Variants in FBXL14 observed in about 807,000 individuals in gnomAD.
FBXL14 encodes the protein F-box/LRR-repeat protein 14.
FBXL14 carries 11 observed loss-of-function variants against 24.5 expected under a neutral mutation model. The ratio of observed to expected loss-of-function variants is 0.45; its 90% CI spans 0.28 to 0.74. The LOEUF is 0.74. Ranked by LOEUF, FBXL14 falls within the 30% of genes least tolerant of loss-of-function variation. The probability of loss-of-function intolerance (pLI) is 0.12; values close to 1 mark genes in which losing one functional copy is unlikely to be tolerated. For missense variants in FBXL14, 384 were observed against 545.6 expected (o/e 0.70, Z 2.95); for synonymous variants, 294 against 240.4 (o/e 1.22, Z -2.06).
In FBXL14 at chr12:1,585,362, T is replaced by G. The variant is rs181539473; in HGVS notation, c.1194+7511A>C. ...GCAGTGAGCCAAGATTGTGCCACTG[T>G]ACTCCAGCCTGGGCGACAGAGCGAG... On this transcript the variant is annotated intron_variant, in intron 1 of 1. Transcript: ENST00000339235. 2.0e-5 allele frequency among the ~76,000 whole-genome samples: 3 copies of G among 149,992 alleles called. No homozygotes were observed. In the East Asian group the frequency reaches 5.9e-4, roughly 29 times the overall value.
At chr12:1,591,809 G>C (rs543477338) in intron 1 of FBXL14, among the ~76,000 whole-genome samples, 1 of 152,222 alleles carries the variant, frequency 6.6e-6, no homozygotes, top group East Asian at 1.9e-4. Flanking sequence ...TGACCTTTTT[G>C]GGGGGAAACT....
At chr12:1,575,023 C>T (rs751590945) in intron 1 of FBXL14, among the ~76,000 whole-genome samples, 16 of 152,118 alleles carry the variant, frequency 1.1e-4, no homozygotes, top group Non-Finnish European at 1.9e-4. Flanking sequence ...AACACATCAT[C>T]TAAGTACAAC....
rs182214628 is a variant in FBXL14 at position 1,575,560 on chromosome 12, C to T, written c.1195-8750G>A. Among the ~76,000 whole-genome samples the T allele has an allele frequency of 4.9e-3, 750 of 152,336 alleles. 3 individuals are homozygous for T. The highest frequency in any genetic ancestry group is 0.016 in the African/African-American group (668 of 41,572). On this transcript the variant is annotated intron_variant, in intron 1 of 1. Transcript: ENST00000339235. ...ACCCTGTGCTCACAGCTCTACTCCCCCTCGGAATCTCCTGTCTGAAGCCCC... is the reference window on the plus strand; with the variant it reads ...ACCCTGTGCTCACAGCTCTACTCCCTCTCGGAATCTCCTGTCTGAAGCCCC...
intron 1 of FBXL14, among the ~76,000 whole-genome samples, chr12:1,592,371 G>A (rs1184669790): frequency 6.6e-6 from 1 of 152,018 alleles, no homozygotes; most frequent in African/African-American, 2.4e-5. Flanking sequence ...AAGAGACTGG[G>A]ATTAGTTACA....
intron 1 of FBXL14, among the ~76,000 whole-genome samples, chr12:1,586,999 A>G (rs989039062): frequency 1.3e-5 from 2 of 152,222 alleles, no homozygotes; most frequent in African/African-American, 4.8e-5. Flanking sequence ...GCACTTTGGG[A>G]GGCCGAGGCG....
rs569892746 is a variant in FBXL14 at position 1,593,125 on chromosome 12, G to C, written c.942C>G (p.Ser314=). ...LDGLKSLSLC[S]CHISDDGINR... ...TGATGCCATCATCACTGATGTGGCAGGAGCAGAGGGAGAGAGACTTGAGGC... is the reference window on the plus strand; with the variant it reads ...TGATGCCATCATCACTGATGTGGCACGAGCAGAGGGAGAGAGACTTGAGGC... Residue 314 remains serine, a synonymous_variant, in exon 1 of 2, where the codon TCC becomes TCG. Transcript: ENST00000339235. The surrounding 1 kb of genome is among the most constrained non-coding windows in gnomAD (Gnocchi z 7.4). The C allele has an allele frequency of 6.2e-7, 1 of 1,613,718 alleles. No individual in the cohort carries two copies. Among genetic ancestry groups the C allele is most frequent in the Non-Finnish European group, 8.5e-7 (1 of 1,180,046 alleles).
chr12:1,594,634 G>A (rs2154438516), upstream of FBXL14, among the ~76,000 whole-genome samples: 1 of 148,930 alleles, frequency 6.7e-6, no homozygotes, highest in South Asian at 2.1e-4. Context: ...GGGGGGACCA[G>A]GAGGCCAATC....
chr12:1,568,247 G>T (rs1472178004), intron 1 of FBXL14, among the ~76,000 whole-genome samples: 1 of 152,214 alleles, frequency 6.6e-6, no homozygotes, highest in Non-Finnish European at 1.5e-5. Flanking sequence ...AGCAAGGAGA[G>T]AGTGGAGTGA....
chr12:1,566,715 A>G lies in FBXL14; in HGVS notation c.*33T>C, dbSNP rs1306095787. ...GAGCGGGCAAGTCTGGAAGTTAAAG[A>G]TCCACGGGAACCATGTCGTTGTCCC... is the stretch of plus-strand genomic sequence containing the variant. On this transcript the variant is annotated 3_prime_UTR_variant, in exon 2 of 2. Transcript: ENST00000339235. 3.8e-6 allele frequency: 3 copies of G among 780,590 alleles called. No homozygotes were observed. Among genetic ancestry groups the G allele is most frequent in the Non-Finnish European group, 7.2e-6 (3 of 417,982 alleles). The allele number at this position is 780,590 out of a possible 1,614,324, so 48.4% of individuals were successfully genotyped here.
chr12:1,572,793 C>T (rs368102318), intron 1 of FBXL14, among the ~76,000 whole-genome samples: 1 of 138,358 alleles, frequency 7.2e-6, no homozygotes, highest in Admixed American at 7.3e-5. Context: ...CTCCTGGGAC[C>T]TGGGTCAAAA....
At chr12:1,588,717 A>C (rs369277857) in intron 1 of FBXL14, among the ~76,000 whole-genome samples, 11 of 152,328 alleles carry the variant, frequency 7.2e-5, no homozygotes, top group African/African-American at 2.6e-4. Flanking sequence ...TAAGGTTTAC[A>C]CGAAGTTTAC....
chr12:1,592,900 T>C lies in FBXL14; in HGVS notation c.1167A>G (p.Gly389=). 6.3e-7 allele frequency: 1 copy of C among 1,591,720 alleles called. No homozygotes were observed. The highest frequency in any genetic ancestry group is 1.3e-5 in the African/African-American group (1 of 74,756). Residue 389 remains glycine, a synonymous_variant, in exon 1 of 2, where the codon GGA becomes GGG. Coordinates refer to ENST00000339235, the MANE Select transcript of FBXL14 (RefSeq NM_152441.3). The part of the protein sequence containing the change: ...QLPCLKVLNL[G]LWQMTDSEKE... Reference sequence around the variant, plus strand: ...TCTCACTGTCCGTCATCTGCCAGAGTCCCAGGTTGAGTACCTTGAGGCACG... The same window carrying C: ...TCTCACTGTCCGTCATCTGCCAGAGCCCCAGGTTGAGTACCTTGAGGCACG...
intron 1 of FBXL14, among the ~76,000 whole-genome samples, chr12:1,583,433 A>G (rs979693670): frequency 2.8e-4 from 42 of 152,214 alleles, no homozygotes; most frequent in Non-Finnish European, 4.4e-4. Context: ...TAGCTCCAAA[A>G]GCAGAGAGCT....
chr12:1,594,201 C>G lies in FBXL14; in HGVS notation c.-135G>C, dbSNP rs1331384058. 2 of 503,100 alleles carry G rather than the reference C, an allele frequency of 4.0e-6. No individual in the cohort carries two copies. Among genetic ancestry groups the G allele is most frequent in the Admixed American group, 1.1e-4 (2 of 18,168 alleles). The allele number at this position is 503,100 out of a possible 1,614,324, so 31.2% of individuals were successfully genotyped here. On this transcript the variant is annotated 5_prime_UTR_variant, in exon 1 of 2. Transcript: ENST00000339235. Reference sequence around the variant, plus strand: ...CCGCCGCCTCGGGCCCAACGGCCGGCCCCTCCCCGCCTTCCGGCTCCGGCC... The same window carrying G: ...CCGCCGCCTCGGGCCCAACGGCCGGGCCCTCCCCGCCTTCCGGCTCCGGCC...
chr12:1,591,037 CTG>C (rs1472813238), intron 1 of FBXL14, among the ~76,000 whole-genome samples: 1 of 152,220 alleles, frequency 6.6e-6, no homozygotes, highest in Non-Finnish European at 1.5e-5. Flanking sequence ...CTCGGGGAAA[CTG>C]TGACTTACAT....
At chr12:1,581,737 C>T (rs1036428219) in intron 1 of FBXL14, among the ~76,000 whole-genome samples, 6 of 152,172 alleles carry the variant, frequency 3.9e-5, no homozygotes, top group Non-Finnish European at 5.9e-5. Context: ...AACATCCTCA[C>T]GCCAGCCCAG....
At position 1,594,057 on chromosome 12, in the gene FBXL14, G is replaced by T; in HGVS notation, c.10C>A (p.His4Asn). The T allele has an allele frequency of 6.7e-7, 1 of 1,500,730 alleles. No homozygotes were observed. Among genetic ancestry groups the T allele is most frequent in the Admixed American group, 2.3e-5 (1 of 44,218 alleles). 93.0% of individuals were successfully genotyped at this position (1,500,730 alleles called of 1,614,324 possible). Residue 4 changes from histidine to asparagine, a missense_variant, in exon 1 of 2, where the codon CAC becomes AAC. Physicochemically the swap from His to Asn is moderately conservative, Grantham distance 68 (BLOSUM62 1). Transcript: ENST00000339235. METHISCLFPELLA... is the reference protein window; with the variant it reads METNISCLFPELLA... ...AGCTCCGGGAACAGGCATGAGATGT[G>T]GGTCTCCATCTTCCTCCTCCCCCCT...
rs1438852663 is a variant in FBXL14, at chr12:1,594,525, C to G, written c.-459G>C. Among the ~76,000 whole-genome samples, 1 of 147,652 alleles carries G rather than the reference C, an allele frequency of 6.8e-6. No individual in the cohort carries two copies. Among genetic ancestry groups the G allele is most frequent in the Non-Finnish European group, 1.5e-5 (1 of 66,242 alleles). On this transcript the variant is annotated 5_prime_UTR_variant, in exon 1 of 2. Coordinates refer to ENST00000339235, the MANE Select transcript of FBXL14 (RefSeq NM_152441.3). ...GCGAGGGGGCCCCGGGGGCCGGGCG[C>G]ACGGGCTCCGGGCGCGGAGGAGGCT...
intron 1 of FBXL14, 87 bp from the exon 2 acceptor site, chr12:1,566,897 C>A (rs59547922): frequency 1.4e-6 from 1 of 725,788 alleles, no homozygotes; most frequent in Non-Finnish European, 2.6e-6. Context: ...CTAACCCCAC[C>A]GCGGCTTTAT....
Sources: gnomAD v4.1 joint callset for allele counts (sites outside exome capture counted in the v4.1 genomes callset) on GRCh38, gnomAD v4.1.1 for gene constraint, Gnocchi (gnomAD v3.1) non-coding constraint, MANE v1.5 for transcripts, NCBI Gene and HGNC (gene_info 2026-07-23, HGNC 2026-07-21) for gene names.